Variants in SAMD12 observed in about 807,000 individuals in gnomAD.
SAMD12 encodes sterile alpha motif domain-containing protein 12.
A neutral mutation model predicts 15.0 loss-of-function variants in SAMD12; 9 were observed. The ratio of observed to expected loss-of-function variants is 0.60; its 90% CI spans 0.36 to 1.05. The LOEUF (loss-of-function observed/expected upper bound fraction) is 1.05. Among genes scored for constraint, SAMD12 ranks in the 50% least tolerant of loss-of-function variants. The pLI, the probability that SAMD12 is intolerant of heterozygous loss-of-function variation, is 0.01. For synonymous variants in SAMD12, 86 were observed against 90.1 expected (o/e 0.96, Z 0.25); for missense variants, 230 against 234.2 (o/e 0.98, Z 0.12).
intron 4 of SAMD12, among the ~76,000 whole-genome samples, chr8:118,201,564 G>T (rs1819717031): frequency 6.6e-6 from 1 of 152,184 alleles, no homozygotes; most frequent in Admixed American, 6.5e-5. Flanking sequence ...AATGCAATGT[G>T]CAGTGTCAGG....
intron 1 of SAMD12, among the ~76,000 whole-genome samples, chr8:118,598,518 A>C (rs1827778770): frequency 6.6e-6 from 1 of 152,228 alleles, no homozygotes; most frequent in Non-Finnish European, 1.5e-5. Flanking sequence ...CAAGCCACCC[A>C]GTCTGTGATA....
At chr8:118,548,126 G>A (rs545951682) in intron 2 of SAMD12, among the ~76,000 whole-genome samples, 16 of 152,286 alleles carry the variant, frequency 1.1e-4, no homozygotes, top group South Asian at 4.1e-4. Context: ...ATTACACAGA[G>A]AATGGACAAG....
exon 5 of SAMD12, chr8:118,191,811 TAGAGAGAGAGAG>T (rs1187043376): frequency 2.9e-3 from 24 of 8,144 alleles, no homozygotes; most frequent in East Asian, 7.5e-3. Context: ...TATATATATA[TAGAGAGAGAGAG>T]AGAGAGAGAG....
chr8:118,295,646 ATTTT>A (rs34753693), intron 4 of SAMD12: 13,070 of 134,026 alleles, frequency 0.098, 1,796 homozygotes, highest in African/African-American at 0.32. Context: ...GCTGTCACTG[ATTTT>A]TTTTTTTTTT....
intron 1 of SAMD12, among the ~76,000 whole-genome samples, chr8:118,597,777 C>G (rs143877175): frequency 5.6e-4 from 85 of 152,286 alleles, no homozygotes; most frequent in African/African-American, 2.0e-3. Context: ...AAGTTGCTTC[C>G]CGGGCAAAGA....
At chr8:118,245,576 T>C (rs144731488) in intron 4 of SAMD12, among the ~76,000 whole-genome samples, 1 of 152,222 alleles carries the variant, frequency 6.6e-6, no homozygotes, top group African/African-American at 2.4e-5. Context: ...AGTGAAGAAG[T>C]AGTGGTACCA....
intron 4 of SAMD12, among the ~76,000 whole-genome samples, chr8:118,319,610 C>T (rs1357536905): frequency 6.6e-6 from 1 of 152,100 alleles, no homozygotes; most frequent in Non-Finnish European, 1.5e-5. Flanking sequence ...CTTAGAATAC[C>T]TGCTTCTCTC....
At chr8:118,588,089 T>C (rs1827496216) in intron 1 of SAMD12, among the ~76,000 whole-genome samples, 1 of 152,180 alleles carries the variant, frequency 6.6e-6, no homozygotes, top group Non-Finnish European at 1.5e-5. Flanking sequence ...TCAATCCAGA[T>C]GACACTCTGA....
the SAMD12 span, among the ~76,000 whole-genome samples, chr8:118,183,488 T>C: frequency 6.6e-6 from 1 of 152,186 alleles, no homozygotes; most frequent in Admixed American, 6.5e-5. Flanking sequence ...AAGGGATTCA[T>C]TGTCTAGCAT....
At chr8:118,147,003 C>T in the SAMD12 span, among the ~76,000 whole-genome samples, 6 of 151,416 alleles carry the variant, frequency 4.0e-5, no homozygotes, top group African/African-American at 1.5e-4. Context: ...ATGCTTAGAA[C>T]AGCCATGTTG....
At chr8:118,495,720 G>A (rs1824591770) in intron 2 of SAMD12, among the ~76,000 whole-genome samples, 1 of 151,952 alleles carries the variant, frequency 6.6e-6, no homozygotes, top group Non-Finnish European at 1.5e-5. Flanking sequence ...TTACCCCTTA[G>A]GGTTTTAGTA....
intron 4 of SAMD12, chr8:118,295,815 T>G (rs192561164): frequency 6.6e-6 from 1 of 152,074 alleles, no homozygotes; most frequent in East Asian, 1.9e-4. Flanking sequence ...ATCATGTTAA[T>G]TTTTTCTTTT....
chr8:118,420,870 G>C (rs1470137897), intron 3 of SAMD12, among the ~76,000 whole-genome samples: 1 of 152,156 alleles, frequency 6.6e-6, no homozygotes, highest in Non-Finnish European at 1.5e-5. Context: ...GGCAAACTAC[G>C]ACCCTCTGAG....
chr8:118,383,497 C>G (rs1208079286), intron 3 of SAMD12, among the ~76,000 whole-genome samples: 1 of 150,916 alleles, frequency 6.6e-6, no homozygotes, highest in Non-Finnish European at 1.5e-5. Context: ...AGGGGGGCTG[C>G]CATCGTAGAC....
chr8:118,356,979 C>G, intron 4 of SAMD12, among the ~76,000 whole-genome samples: 1 of 152,198 alleles, frequency 6.6e-6, no homozygotes, highest in East Asian at 1.9e-4. Flanking sequence ...GTCGCCTGTT[C>G]ACTTCTACAT....
intron 2 of SAMD12, among the ~76,000 whole-genome samples, chr8:118,444,237 G>C (rs1007372080): frequency 1.3e-5 from 2 of 152,104 alleles, no homozygotes; most frequent in Non-Finnish European, 2.9e-5. Context: ...ATTTGCCCCA[G>C]TTCTTTTTCT....
chr8:118,359,109 T>C (rs1818371673), intron 4 of SAMD12, among the ~76,000 whole-genome samples: 1 of 152,124 alleles, frequency 6.6e-6, no homozygotes, highest in African/African-American at 2.4e-5. Context: ...CCAATTAATA[T>C]GTTAAAATAT....
At chr8:118,431,971 G>C (rs1312730315) in intron 3 of SAMD12, among the ~76,000 whole-genome samples, 2 of 151,912 alleles carry the variant, frequency 1.3e-5, no homozygotes, top group Non-Finnish European at 1.5e-5. Flanking sequence ...GGTTTGGGTG[G>C]TTTCTATTGA....
At chr8:118,391,930 A>G (rs1283528090) in intron 3 of SAMD12, among the ~76,000 whole-genome samples, 1 of 151,710 alleles carries the variant, frequency 6.6e-6, no homozygotes, top group Non-Finnish European at 1.5e-5. Flanking sequence ...TGCATTAGGA[A>G]AGTTCTGGTT....
Sources: allele counts gnomAD v4.1 joint callset (sites outside exome capture counted in the v4.1 genomes callset), GRCh38; gene constraint gnomAD v4.1.1; transcripts MANE v1.5; gene names NCBI Gene and HGNC (gene_info 2026-07-23, HGNC 2026-07-21).